The following UBR1 variants were observed in gnomAD, a reference collection of about 807,000 sequenced individuals.
The protein encoded by UBR1 is ubiquitin protein ligase E3 component n-recognin 1, also known as E3 ubiquitin-protein ligase UBR1.
Under a neutral mutation model 242.1 loss-of-function variants are expected in UBR1, and 102 were observed. That is an observed-to-expected ratio of 0.42 (90% CI 0.36 to 0.50). The LOEUF (loss-of-function observed/expected upper bound fraction) is 0.50. Ranked by LOEUF, UBR1 falls within the 20% of genes least tolerant of loss-of-function variation. UBR1 has a pLI of 0.01. For synonymous variants in UBR1, 675 were observed against 684.8 expected, an observed-to-expected ratio of 0.99 and a Z score of 0.22; for missense variants, 1,772 against 2,101.8, an observed-to-expected ratio of 0.84 and a Z score of 3.07.
At chr15:43,037,246 G>A (rs1458088585) in intron 17 of UBR1, among the ~76,000 whole-genome samples, 1 of 151,650 alleles carries the variant, frequency 6.6e-6, no homozygotes, top group East Asian at 1.9e-4. Flanking sequence ...TACTGGGGAG[G>A]CTGAGGCACG....
chr15:42,945,462 T>C lies in UBR1; in HGVS notation c.5117A>G (p.Asn1706Ser), dbSNP rs776569338. 1 of 1,613,686 alleles carries C rather than the reference T, an allele frequency of 6.2e-7. No homozygotes were observed. Among genetic ancestry groups the C allele is most frequent in the East Asian group, 2.2e-5 (1 of 44,878 alleles). The change falls in exon 47 of 47, where the codon AAC (asparagine) becomes AGC (serine). Residue 1706 changes from asparagine (N) to serine (S), a missense_variant. Physicochemically the swap from Asn to Ser is conservative, Grantham distance 46. This residue lies in a region of UBR1 where 965 missense variants were observed against 1,079.7 expected (regional missense o/e 0.89). Coordinates refer to ENST00000290650, the MANE Select transcript of UBR1 (RefSeq NM_174916.3). ...GETDPGLKRG[N>S]PLHLSRERYR... ...CCGCTCACGAGATAAATGAAGGGGGTTGCCCCTCCTTTAGGGAAAAAAGAA... is the reference window on the plus strand; with the variant it reads ...CCGCTCACGAGATAAATGAAGGGGGCTGCCCCTCCTTTAGGGAAAAAAGAA...
chr15:43,051,231 A>G (rs986199629), intron 12 of UBR1, among the ~76,000 whole-genome samples: 5 of 152,266 alleles, frequency 3.3e-5, no homozygotes, highest in African/African-American at 1.2e-4. Flanking sequence ...ACCATGGAAT[A>G]CTATACAGCC....
At chr15:43,050,700 G>C (rs1301118755) in intron 12 of UBR1, among the ~76,000 whole-genome samples, 1 of 150,012 alleles carries the variant, frequency 6.7e-6, no homozygotes, top group African/African-American at 2.5e-5. Flanking sequence ...TTCCAGCCTG[G>C]GCAACAGAGC....
Position 42,990,103 on chromosome 15 carries a change from T to C in UBR1, c.3775A>G (p.Ile1259Val), listed in dbSNP as rs1360665697. 4.4e-6 allele frequency: 7 copies of C among 1,598,174 alleles called. No individual in the cohort carries two copies. The highest frequency in any genetic ancestry group is 1.3e-5 in the African/African-American group (1 of 74,498). ...RHAKGENPIP[I>V]FFNQGMGDST... is the part of the protein sequence containing the mutation. ...TCTCCCATTCCTTGATTAAAGAAAA[T>C]AGGAATTGGGTTTTCTCCTTATAAA... Residue 1259 changes from isoleucine to valine, a missense_variant, in exon 34 of 47, where the codon ATT becomes GTT. Physicochemically the swap from Ile to Val is conservative, Grantham distance 29. Around this residue, in one of 3 missense-constraint regions of UBR1, gnomAD observed 965 missense variants for 1,079.7 expected, o/e 0.89. Transcript: ENST00000290650.
chr15:43,076,678 G>T (rs1338327350), intron 3 of UBR1, among the ~76,000 whole-genome samples: 1 of 140,808 alleles, frequency 7.1e-6, no homozygotes, highest in Non-Finnish European at 1.5e-5. Context: ...CAACCGCCCC[G>T]TCTGAGAAGT....
rs375036700 is a variant in UBR1, at chr15:43,002,541, A to G, written c.3659+14T>C. 5 of 1,612,586 alleles carry G rather than the reference A, an allele frequency of 3.1e-6. No homozygotes were observed. Among genetic ancestry groups the G allele is most frequent in the Non-Finnish European group, 3.4e-6 (4 of 1,179,198 alleles). On this transcript the variant is annotated intron_variant, in intron 32 of 46. Transcript: ENST00000290650. ...ACTTTTAAAAAATTAACCAAAACAT[A>G]AATTAAAATATACCTGTTTATCTTT...
chr15:42,975,882 TA>T (rs1396407564), intron 39 of UBR1, among the ~76,000 whole-genome samples: 2 of 151,740 alleles, frequency 1.3e-5, no homozygotes, highest in African/African-American at 4.8e-5. Context: ...CCCAGCTAAT[TA>T]AAAAAAAATT....
At chr15:43,082,546 G>T in intron 3 of UBR1, 92 bp downstream of exon 3, 1 of 947,496 alleles carries the variant, frequency 1.1e-6, no homozygotes, top group Non-Finnish European at 1.7e-6. Context: ...TATCAGAGCT[G>T]TTATAGCAGG....
chr15:43,020,261 G>A (rs1369163656), intron 27 of UBR1, among the ~76,000 whole-genome samples: 4 of 151,192 alleles, frequency 2.6e-5, no homozygotes, highest in Non-Finnish European at 4.4e-5. Flanking sequence ...GACTGGTCTC[G>A]AACTCCTGAC....
chr15:43,017,209 G>GAGTT (rs754710435), intron 27 of UBR1, 28 bp from the exon 28 acceptor site: 86 of 1,539,820 alleles, frequency 5.6e-5, no homozygotes, highest in South Asian at 1.3e-4. Context: ...AACGTTAAAA[G>GAGTT]AGTTAGTTAG....
Position 43,030,474 on chromosome 15 carries a change from G to C in UBR1, c.2255-406C>G, listed in dbSNP as rs114957214. On this transcript the variant is annotated intron_variant, in intron 20 of 46. Coordinates refer to ENST00000290650, the MANE Select transcript of UBR1 (RefSeq NM_174916.3). Reference sequence around the variant, plus strand: ...CATCACTGAATAGCTTTTCTTTCAAGATCTTTCTCAATTTTGTCTCTACTT... The same window carrying C: ...CATCACTGAATAGCTTTTCTTTCAACATCTTTCTCAATTTTGTCTCTACTT... Among the ~76,000 whole-genome samples, 892 of 152,296 alleles carry C rather than the reference G, an allele frequency of 5.9e-3. 11 individuals are homozygous for C. Among genetic ancestry groups the C allele is most frequent in the African/African-American group, 0.02 (847 of 41,568 alleles).
At chr15:43,090,207 G>T (rs960030428) in intron 1 of UBR1, among the ~76,000 whole-genome samples, 5 of 152,150 alleles carry the variant, frequency 3.3e-5, no homozygotes, top group Non-Finnish European at 5.9e-5. Flanking sequence ...AAACAGTTCA[G>T]TAAAGTAGGT....
At chr15:43,084,941 A>G (rs928992808) in intron 2 of UBR1, among the ~76,000 whole-genome samples, 3 of 152,258 alleles carry the variant, frequency 2.0e-5, no homozygotes, top group Non-Finnish European at 4.4e-5. Flanking sequence ...ACTAAATTTC[A>G]AATTTCAGGC....
intron 1 of UBR1, among the ~76,000 whole-genome samples, chr15:43,096,841 T>G (rs1049684433): frequency 2.0e-5 from 3 of 152,138 alleles, no homozygotes; most frequent in Admixed American, 1.3e-4. Flanking sequence ...TGCAGTTACT[T>G]CCTCTACTAA....
chr15:43,009,208 G>A (rs1054233995), intron 29 of UBR1, among the ~76,000 whole-genome samples: 13 of 152,234 alleles, frequency 8.5e-5, no homozygotes, highest in African/African-American at 2.4e-4. Context: ...CCCTCTTTGG[G>A]GCTTCACAGT....
intron 27 of UBR1, among the ~76,000 whole-genome samples, chr15:43,018,381 C>CATTCATTA (rs568336606): frequency 6.6e-6 from 1 of 152,034 alleles, no homozygotes; most frequent in Non-Finnish European, 1.5e-5. Context: ...AGCATGAATG[C>CATTCATTA]ATTCATTAAT....
intron 40 of UBR1, 22 bp downstream of exon 40, chr15:42,970,498 G>A: frequency 6.3e-7 from 1 of 1,597,780 alleles, no homozygotes; most frequent in East Asian, 2.2e-5. Context: ...ACAATAGACT[G>A]AACTAATGGA....
intron 37 of UBR1, among the ~76,000 whole-genome samples, chr15:42,979,126 C>T (rs1206669084): frequency 6.6e-6 from 1 of 151,950 alleles, no homozygotes; most frequent in East Asian, 1.9e-4. Flanking sequence ...ATCTCTTGAC[C>T]TCGTGATCCA....
intron 12 of UBR1, among the ~76,000 whole-genome samples, chr15:43,053,121 C>T (rs1249030059): frequency 6.6e-6 from 1 of 152,130 alleles, no homozygotes; most frequent in African/African-American, 2.4e-5. Context: ...ATTTTCCCTT[C>T]CCCTGGTCAC....
Sources: allele counts gnomAD v4.1 joint callset (sites outside exome capture counted in the v4.1 genomes callset), GRCh38; gene constraint gnomAD v4.1.1; regional missense constraint gnomAD v4.1.1; transcripts MANE v1.5; gene names NCBI Gene and HGNC (gene_info 2026-07-23, HGNC 2026-07-21).